Variants in SH3PXD2B observed in about 807,000 individuals in gnomAD.
SH3PXD2B encodes SH3 and PX domains 2B.
Under a neutral mutation model 73.1 loss-of-function variants are expected in SH3PXD2B, and 37 were observed. The ratio of observed to expected loss-of-function variants is 0.51; its 90% CI spans 0.39 to 0.67. The LOEUF (loss-of-function observed/expected upper bound fraction) is 0.67, where lower values mean the gene tolerates loss of function less well. SH3PXD2B is among the 30% of genes least tolerant of loss of function. The pLI is 0.00. For synonymous variants in SH3PXD2B, 457 were observed against 480.5 expected, an observed-to-expected ratio of 0.95 and a Z score of 0.64; for missense variants, 1,053 against 1,197.8, an observed-to-expected ratio of 0.88 and a Z score of 1.78.
chr5:172,424,935 A>G (rs935641973), intron 1 of SH3PXD2B, among the ~76,000 whole-genome samples: 1 of 152,112 alleles, frequency 6.6e-6, no homozygotes, highest in African/African-American at 2.4e-5. Context: ...GCTCACAAAA[A>G]CAGGCTCCTT....
intron 4 of SH3PXD2B, among the ~76,000 whole-genome samples, chr5:172,383,348 C>A (rs150516588): frequency 0.011 from 1,617 of 152,286 alleles, 40 homozygotes; most frequent in African/African-American, 0.037. Flanking sequence ...TACTAACCTC[C>A]ACAAAGCTGG....
chr5:172,368,446 A>G, intron 6 of SH3PXD2B, among the ~76,000 whole-genome samples: 1 of 111,246 alleles, frequency 9.0e-6, no homozygotes, highest in Non-Finnish European at 1.8e-5. Context: ...AGGGGAGCTA[A>G]GAATGCTTAT....
At chr5:172,361,092 C>T (rs1757393574) in intron 7 of SH3PXD2B, among the ~76,000 whole-genome samples, 1 of 151,848 alleles carries the variant, frequency 6.6e-6, no homozygotes, top group African/African-American at 2.4e-5. Context: ...AAAAAACCCA[C>T]AAAAATACAT....
chr5:172,338,306 G>A lies in SH3PXD2B; in HGVS notation c.*63C>T, dbSNP rs574077536. On this transcript the variant is annotated 3_prime_UTR_variant, in exon 13 of 13. Transcript: ENST00000311601. The surrounding 1 kb of genome is among the most constrained non-coding windows in gnomAD (Gnocchi z 5.1). ...CGTGGAGAATGATAAATTAAGAGGC[G>A]TATTAAATACGTGGGTAAAGCCAGC... 1.9e-5 allele frequency: 30 copies of A among 1,612,030 alleles called. No homozygotes were observed. Among genetic ancestry groups the A allele is most frequent in the East Asian group, 4.5e-5 (2 of 44,884 alleles).
At chr5:172,370,491 TGAG>T (rs1757677791) in intron 6 of SH3PXD2B, among the ~76,000 whole-genome samples, 1 of 152,080 alleles carries the variant, frequency 6.6e-6, no homozygotes, top group African/African-American at 2.4e-5. Context: ...AGCCAGGAAA[TGAG>T]GAGGGGAGAG....
At chr5:172,380,218 C>T (rs774841236) in intron 5 of SH3PXD2B, among the ~76,000 whole-genome samples, 2 of 123,082 alleles carry the variant, frequency 1.6e-5, no homozygotes, top group Non-Finnish European at 3.3e-5. Flanking sequence ...CCACTATGCC[C>T]GGCTAATTTT....
chr5:172,417,694 CTA>C (rs1758856520), intron 2 of SH3PXD2B, among the ~76,000 whole-genome samples: 1 of 152,200 alleles, frequency 6.6e-6, no homozygotes, highest in African/African-American at 2.4e-5. Flanking sequence ...ACGCCAATTC[CTA>C]GCAGCACCCA....
intron 1 of SH3PXD2B, among the ~76,000 whole-genome samples, chr5:172,431,688 T>G (rs1377710276): frequency 7.6e-5 from 11 of 144,258 alleles, no homozygotes; most frequent in Admixed American, 3.3e-4. Flanking sequence ...CAGACACCCA[T>G]TGCACACACA....
intron 2 of SH3PXD2B, among the ~76,000 whole-genome samples, chr5:172,416,147 G>T (rs185751155): frequency 6.6e-6 from 1 of 152,094 alleles, no homozygotes; most frequent in Non-Finnish European, 1.5e-5. Context: ...GGGCAACAAA[G>T]CAAGACTCCG....
downstream of SH3PXD2B, among the ~76,000 whole-genome samples, chr5:172,329,540 C>CTTTTTTTTTTTTTTTTTTTTTTT (rs370876232): frequency 8.0e-4 from 85 of 106,432 alleles, 10 homozygotes; most frequent in Non-Finnish European, 1.1e-3. Flanking sequence ...CTTTGTTATT[C>CTTTTTTTTTTTTTTTTTTTTTTT]TTTTTTTTTT....
Position 172,337,071 on chromosome 5 carries a change from A to T in SH3PXD2B, c.*1298T>A. ...CAGCTCCCGTTGCTCCATAAGCTCT[A>T]TTCCCCAGGGGGCAACAGCTTAGAA... On this transcript the variant is annotated 3_prime_UTR_variant, in exon 13 of 13. Transcript: ENST00000311601. The T allele has an allele frequency of 1.0e-6, 1 of 976,694 alleles. No individual in the cohort carries two copies. Among genetic ancestry groups the T allele is most frequent in the Non-Finnish European group, 1.2e-6 (1 of 827,848 alleles). 60.5% of individuals were successfully genotyped at this position (976,694 alleles called of 1,614,324 possible).
At chr5:172,422,892 C>A (rs1022584923) in intron 1 of SH3PXD2B, among the ~76,000 whole-genome samples, 1 of 152,178 alleles carries the variant, frequency 6.6e-6, no homozygotes, top group Admixed American at 6.5e-5. Flanking sequence ...CAGCTCTTGG[C>A]CATCTTATAT....
At chr5:172,405,425 CAA>C (rs1331799284) in intron 3 of SH3PXD2B, among the ~76,000 whole-genome samples, 1 of 152,188 alleles carries the variant, frequency 6.6e-6, no homozygotes, top group Non-Finnish European at 1.5e-5. Flanking sequence ...TGGCAGAAGG[CAA>C]AGTCAGAGGG....
downstream of SH3PXD2B, among the ~76,000 whole-genome samples, chr5:172,328,519 A>G (rs1205764607): frequency 6.6e-6 from 1 of 152,158 alleles, no homozygotes; most frequent in Non-Finnish European, 1.5e-5. Context: ...GTTTTTAAGA[A>G]TCCTAATAAA....
intron 1 of SH3PXD2B, among the ~76,000 whole-genome samples, chr5:172,428,262 C>G (rs553228949): frequency 6.6e-6 from 1 of 152,128 alleles, no homozygotes; most frequent in Non-Finnish European, 1.5e-5. Context: ...AACCAGATTA[C>G]AAGATGGACA....
chr5:172,325,403 A>G, intron 12 of SH3PXD2B: 1 of 1,498,932 alleles, frequency 6.7e-7, no homozygotes, highest in Non-Finnish European at 9.0e-7. Context: ...AGGGAGAAAA[A>G]TCAGCAAATC....
intron 5 of SH3PXD2B, among the ~76,000 whole-genome samples, chr5:172,378,223 T>C (rs771397554): frequency 6.6e-6 from 1 of 152,192 alleles, no homozygotes; most frequent in East Asian, 1.9e-4. Context: ...CTCCCCTCTG[T>C]GTGTCTAAGT....
At chr5:172,328,410 G>A (rs1756486460) in intron 12 of SH3PXD2B, among the ~76,000 whole-genome samples, 1 of 152,070 alleles carries the variant, frequency 6.6e-6, no homozygotes, top group Non-Finnish European at 1.5e-5. Flanking sequence ...AGCCGCCTAG[G>A]CTGATTTTAA....
intron 11 of SH3PXD2B, among the ~76,000 whole-genome samples, chr5:172,346,582 T>G (rs1265466360): frequency 6.6e-6 from 1 of 152,118 alleles, no homozygotes; most frequent in East Asian, 1.9e-4. Context: ...AGTAGATCTA[T>G]CTGGGTTGGA....
Sources: allele counts gnomAD v4.1 joint callset (sites outside exome capture counted in the v4.1 genomes callset), GRCh38; gene constraint gnomAD v4.1.1; non-coding constraint Gnocchi (gnomAD v3.1); transcripts MANE v1.5; gene names NCBI Gene and HGNC (gene_info 2026-07-23, HGNC 2026-07-21).